Variants in CA10 observed in about 807,000 individuals in gnomAD.
CA10 encodes carbonic anhydrase 10 (inactive).
In CA10, 14 loss-of-function variants were observed where a neutral mutation model predicts 44.2. That is an observed-to-expected ratio of 0.32 (90% CI 0.21 to 0.50). The LOEUF is 0.50. Among genes scored for constraint, CA10 ranks in the 20% least tolerant of loss-of-function variants. The pLI is 0.99. For missense variants in CA10, 350 were observed against 409.7 expected (o/e 0.85, Z 1.26); for synonymous variants, 159 against 141.6 (o/e 1.12, Z -0.87).
intron 2 of CA10, among the ~76,000 whole-genome samples, chr17:51,948,606 C>T (rs902950088): frequency 1.3e-5 from 2 of 152,124 alleles, no homozygotes; most frequent in Non-Finnish European, 2.9e-5. Flanking sequence ...TTTCCCAGTC[C>T]CTTCTCCTTA....
chr17:51,895,555 T>C (rs561857808), intron 3 of CA10, among the ~76,000 whole-genome samples: 14 of 152,180 alleles, frequency 9.2e-5, no homozygotes, highest in African/African-American at 2.9e-4. Flanking sequence ...TCAGTAAAAC[T>C]TATAGTTAAT....
intron 2 of CA10, among the ~76,000 whole-genome samples, chr17:51,983,136 G>A (rs1360036386): frequency 6.7e-6 from 1 of 149,778 alleles, no homozygotes; most frequent in Admixed American, 6.7e-5. Flanking sequence ...TTTTATATTT[G>A]GTCACCCTTA....
intron 2 of CA10, among the ~76,000 whole-genome samples, chr17:52,018,626 C>T (rs1157013388): frequency 1.3e-5 from 2 of 151,956 alleles, no homozygotes; most frequent in African/African-American, 4.8e-5. Flanking sequence ...TTGACAATCT[C>T]GTAGGTAGAA....
chr17:52,003,103 G>T (rs1253106065), intron 2 of CA10, among the ~76,000 whole-genome samples: 2 of 151,922 alleles, frequency 1.3e-5, no homozygotes, highest in Admixed American at 1.3e-4. Flanking sequence ...CAGGTTATAC[G>T]ATGGGCCTGT....
chr17:51,813,636 C>T (rs1598058099), intron 3 of CA10, among the ~76,000 whole-genome samples: 1 of 152,106 alleles, frequency 6.6e-6, no homozygotes, highest in South Asian at 2.1e-4. Flanking sequence ...AGGGACCTGC[C>T]CATGAGAGAG....
chr17:52,064,459 C>A (rs565370270), intron 2 of CA10, among the ~76,000 whole-genome samples: 2 of 152,294 alleles, frequency 1.3e-5, no homozygotes, highest in Admixed American at 1.3e-4. Flanking sequence ...CAGCCCCAGG[C>A]TGGCCATCCT....
chr17:51,673,960 G>T (rs1914522383), intron 4 of CA10, among the ~76,000 whole-genome samples: 1 of 93,020 alleles, frequency 1.1e-5, no homozygotes, highest in Admixed American at 1.2e-4. Context: ...CCTCCTCCTA[G>T]AATGTCCTTC....
intron 2 of CA10, among the ~76,000 whole-genome samples, chr17:52,062,065 C>CTT (rs56369087): frequency 0.076 from 8,761 of 115,702 alleles, 709 homozygotes; most frequent in Admixed American, 0.1. Flanking sequence ...GGTGTGGCCA[C>CTT]TTTTTTTTTT....
intron 4 of CA10, among the ~76,000 whole-genome samples, chr17:51,712,777 A>T (rs1453757628): frequency 6.6e-6 from 1 of 152,256 alleles, no homozygotes; most frequent in Non-Finnish European, 1.5e-5. Context: ...GCCATTAATG[A>T]GGTCTCTACG....
intron 1 of CA10, among the ~76,000 whole-genome samples, chr17:52,106,684 T>C (rs1202034230): frequency 6.6e-6 from 1 of 152,162 alleles, no homozygotes; most frequent in Non-Finnish European, 1.5e-5. Flanking sequence ...ATGACTACAG[T>C]AGATAAAGAA....
At chr17:51,711,953 A>G (rs929474266) in intron 4 of CA10, among the ~76,000 whole-genome samples, 5 of 152,186 alleles carry the variant, frequency 3.3e-5, no homozygotes, top group Admixed American at 2.6e-4. Flanking sequence ...GGAGAGGGGC[A>G]GCGGCTACCG....
intron 3 of CA10, among the ~76,000 whole-genome samples, chr17:51,787,596 T>C (rs914655161): frequency 1.3e-5 from 2 of 152,118 alleles, no homozygotes; most frequent in Non-Finnish European, 2.9e-5. Flanking sequence ...GCTCAAGTGA[T>C]TCTCCTGCCT....
At chr17:52,089,162 C>A (rs1285218563) in intron 1 of CA10, among the ~76,000 whole-genome samples, 1 of 152,130 alleles carries the variant, frequency 6.6e-6, no homozygotes, top group East Asian at 1.9e-4. Context: ...TTTTCAAGGT[C>A]AAAAAGATAG....
chr17:51,996,891 C>T (rs1162959314), intron 2 of CA10, among the ~76,000 whole-genome samples: 1 of 152,076 alleles, frequency 6.6e-6, no homozygotes. Context: ...GTGATAAAAA[C>T]GTCACCAAGA....
rs551118817 is a variant in CA10, at chr17:51,773,159, T to C, written c.280-25341A>G. ...AGTAGAGAAGAGAGATTCTATGATA[T>C]AAAAGACTGAGGAGAATGCAAAAGC... On this transcript the variant is annotated intron_variant, in intron 3 of 8. Coordinates refer to ENST00000451037, the MANE Select transcript of CA10 (RefSeq NM_020178.5). Among the ~76,000 whole-genome samples the C allele has an allele frequency of 2.6e-5, 4 of 152,312 alleles. No individual in the cohort carries two copies. In the East Asian group the frequency reaches 5.8e-4, roughly 22 times the overall value.
At chr17:51,701,535 C>G (rs74768674) in intron 4 of CA10, among the ~76,000 whole-genome samples, 1 of 151,904 alleles carries the variant, frequency 6.6e-6, no homozygotes. Context: ...ATAAATTCTG[C>G]GAAGATTGGG....
intron 4 of CA10, among the ~76,000 whole-genome samples, chr17:51,740,322 C>G (rs1904406413): frequency 6.6e-6 from 1 of 152,126 alleles, no homozygotes; most frequent in Non-Finnish European, 1.5e-5. Context: ...CAGGTAGGCA[C>G]TATGGCCTAT....
At chr17:52,061,121 C>T (rs1001981669) in intron 2 of CA10, among the ~76,000 whole-genome samples, 1 of 152,120 alleles carries the variant, frequency 6.6e-6, no homozygotes, top group Non-Finnish European at 1.5e-5. Flanking sequence ...GAATGTGTTA[C>T]CTTATATGGC....
At position 51,633,564 on chromosome 17, in the gene CA10, G is replaced by C; in HGVS notation, c.876C>G (p.Leu292=). ...MSDNFRPVQP[L]NNRCIRTNIN... ...TATTGGTGCGGATGCAGCGGTTGTT[G>C]AGTGGCTGGACAGGCCTGAAGTTGT... is the stretch of plus-strand genomic sequence containing the variant. Residue 292 remains leucine (L), a synonymous_variant, in exon 8 of 9, where the codon CTC becomes CTG. Coordinates refer to ENST00000451037, the MANE Select transcript of CA10 (RefSeq NM_020178.5). 1 of 1,614,060 alleles carries C rather than the reference G, an allele frequency of 6.2e-7. No homozygotes were observed. Among genetic ancestry groups the C allele is most frequent in the Non-Finnish European group, 8.5e-7 (1 of 1,179,952 alleles).
Sources: allele counts gnomAD v4.1 joint callset (sites outside exome capture counted in the v4.1 genomes callset), GRCh38; gene constraint gnomAD v4.1.1; transcripts MANE v1.5; gene names NCBI Gene and HGNC (gene_info 2026-07-23, HGNC 2026-07-21).